Variants in PCDHGB4 observed in about 807,000 individuals in gnomAD.
PCDHGB4 encodes protocadherin gamma-B4.
A neutral mutation model predicts 60.5 loss-of-function variants in PCDHGB4; 38 were observed. That is an observed-to-expected ratio of 0.63 (90% CI 0.48 to 0.82). The LOEUF (loss-of-function observed/expected upper bound fraction) is 0.82, where lower values mean the gene tolerates loss of function less well. Ranked by LOEUF, PCDHGB4 falls within the 40% of genes least tolerant of loss-of-function variation. The pLI is 0.00. For synonymous variants in PCDHGB4, 456 were observed against 509.7 expected, an observed-to-expected ratio of 0.89 and a Z score of 1.42; for missense variants, 1,109 against 1,209.6, an observed-to-expected ratio of 0.92 and a Z score of 1.23.
intron 1 of PCDHGB4, chr5:141,397,891 A>G: frequency 3.2e-6 from 2 of 631,130 alleles, no homozygotes; most frequent in Non-Finnish European, 5.3e-6. Context: ...CTGTTGGCCA[A>G]AGTGCAGAGC....
intron 2 of PCDHGB4, among the ~76,000 whole-genome samples, chr5:141,502,382 T>C (rs1668612742): frequency 1.3e-5 from 2 of 152,088 alleles, no homozygotes; most frequent in Non-Finnish European, 2.9e-5. Context: ...CCAGGCCAGT[T>C]GTACTTTAAA....
At chr5:141,417,950 GAGCCGATCCGCT>G (rs1361985861) in intron 1 of PCDHGB4, 1 of 1,613,484 alleles carries the variant, frequency 6.2e-7, no homozygotes, top group African/African-American at 1.3e-5. Context: ...CACGCTGTGT[GAGCCGATCCGCT>G]ACTCGATTCC....
intron 1 of PCDHGB4, chr5:141,399,459 C>A (rs897098728): frequency 6.2e-7 from 1 of 1,614,012 alleles, no homozygotes; most frequent in African/African-American, 1.3e-5. Flanking sequence ...TCAACGATAA[C>A]GCTCCGGTTT....
chr5:141,393,932 C>T (rs758815375), intron 1 of PCDHGB4: 1 of 1,613,916 alleles, frequency 6.2e-7, no homozygotes, highest in East Asian at 2.2e-5. Context: ...GTGTGCATGA[C>T]CAAGACTCTG....
intron 1 of PCDHGB4, chr5:141,408,100 G>A (rs1474827605): frequency 9.7e-6 from 14 of 1,438,178 alleles, no homozygotes; most frequent in African/African-American, 1.4e-5. Context: ...CCAGCTCCGA[G>A]ACCCGGGACT....
intron 1 of PCDHGB4, chr5:141,392,498 AT>A (rs201401101): frequency 3.1e-4 from 68 of 217,634 alleles, no homozygotes; most frequent in African/African-American, 9.8e-4. Context: ...TAAGCAAATG[AT>A]TTTTTTTTCT....
chr5:141,476,656 T>C lies in PCDHGB4; in HGVS notation c.2398-18151T>C. 1 of 1,614,210 alleles carries C rather than the reference T, an allele frequency of 6.2e-7. No individual in the cohort carries two copies. Among genetic ancestry groups the C allele is most frequent in the Non-Finnish European group, 8.5e-7 (1 of 1,180,044 alleles). On this transcript the variant is annotated intron_variant, in intron 1 of 3. Coordinates refer to ENST00000519479, the MANE Select transcript of PCDHGB4 (RefSeq NM_003736.4). This position sits in a 1 kb window ranked among gnomAD's most constrained non-coding sequence, Gnocchi z 7.6. ...ATGAGCTGAGCCGAAATGAATACTT[T>C]GCGCTTCGCGTGCAGACGCGGGAGG...
chr5:141,491,648 T>C lies in PCDHGB4; in HGVS notation c.2398-3159T>C. ...GTTCAGCAGCCCACAGCTCTGGCGC[T>C]GGAGCCTGACGCCATCCGGTCCCGC... On this transcript the variant is annotated intron_variant, in intron 1 of 3. Transcript: ENST00000519479. The surrounding 1 kb of genome is among the most constrained non-coding windows in gnomAD (Gnocchi z 6.9). 2 of 1,613,834 alleles carry C rather than the reference T, an allele frequency of 1.2e-6. No individual in the cohort carries two copies. Among genetic ancestry groups the C allele is most frequent in the South Asian group, 1.1e-5 (1 of 91,082 alleles).
At chr5:141,453,087 T>G (rs2098755775) in intron 1 of PCDHGB4, among the ~76,000 whole-genome samples, 1 of 152,150 alleles carries the variant, frequency 6.6e-6, no homozygotes, top group Non-Finnish European at 1.5e-5. Context: ...TTGATTAGTA[T>G]ATTTTCTGTT....
intron 1 of PCDHGB4, among the ~76,000 whole-genome samples, chr5:141,467,109 A>G (rs1431550069): frequency 2.0e-5 from 3 of 150,594 alleles, no homozygotes; most frequent in African/African-American, 4.9e-5. Context: ...CTGGAGTACA[A>G]TGGTGCAATC....
At chr5:141,414,476 C>T (rs1242647918) in intron 1 of PCDHGB4, 1 of 1,613,802 alleles carries the variant, frequency 6.2e-7, no homozygotes, top group African/African-American at 1.3e-5. Flanking sequence ...GGGGGAAGTC[C>T]TCCTCTATCA....
intron 1 of PCDHGB4, chr5:141,415,515 G>C: frequency 6.2e-7 from 1 of 1,614,152 alleles, no homozygotes; most frequent in Non-Finnish European, 8.5e-7. Flanking sequence ...CCAATTATGC[G>C]GACACGCTCA....
At chr5:141,400,776 GT>G (rs1167512157) in intron 1 of PCDHGB4, 17 of 557,594 alleles carry the variant, frequency 3.0e-5, no homozygotes, top group East Asian at 1.8e-4. Flanking sequence ...CATTTGGTGC[GT>G]TTTTTTGTCC....
At chr5:141,409,587 C>G (rs13184186) in intron 1 of PCDHGB4, 1 of 1,613,902 alleles carries the variant, frequency 6.2e-7, no homozygotes, top group Non-Finnish European at 8.5e-7. Context: ...GTCCACGTGG[C>G]CGAGAACAAC....
At chr5:141,394,416 A>G (rs1220964310) in intron 1 of PCDHGB4, 1 of 1,614,202 alleles carries the variant, frequency 6.2e-7, no homozygotes. Context: ...GGTAACAGCC[A>G]GCGACAGCGG....
rs770596172 is a variant in PCDHGB4, at chr5:141,487,664, G to A, written c.2398-7143G>A. ...AATGCTTGAGGGTTATTCTGATCCA[G>A]GCATATGGCTAGGCCATGTCCTAGA... On this transcript the variant is annotated intron_variant, in intron 1 of 3. Transcript: ENST00000519479. The surrounding 1 kb of genome is among the most constrained non-coding windows in gnomAD (Gnocchi z 5.0). 1.9e-5 allele frequency: 31 copies of A among 1,613,048 alleles called. No individual in the cohort carries two copies. The South Asian group carries it at 3.4e-4, about 18-fold the overall frequency.
chr5:141,510,894 A>G, intron 3 of PCDHGB4, 53 bp from the exon 4 acceptor site: 2 of 1,612,850 alleles, frequency 1.2e-6, no homozygotes, highest in Non-Finnish European at 8.5e-7. Flanking sequence ...TAAGACAGTG[A>G]CTGTTGAGGA....
In PCDHGB4 at chr5:141,489,200, G is replaced by A. The variant is rs1483035320; in HGVS notation, c.2398-5607G>A. The A allele has an allele frequency of 2.8e-6, 4 of 1,412,792 alleles. No individual in the cohort carries two copies. The highest frequency in any genetic ancestry group is 3.9e-6 in the Non-Finnish European group (4 of 1,038,374). The allele number at this position is 1,412,792 out of a possible 1,614,324, so 87.5% of individuals were successfully genotyped here. A position where few individuals can be genotyped will look rare whatever the true frequency, so the allele number is the denominator to read the frequency against. On this transcript the variant is annotated intron_variant, in intron 1 of 3. Coordinates refer to ENST00000519479, the MANE Select transcript of PCDHGB4 (RefSeq NM_003736.4). This position sits in a 1 kb window ranked among gnomAD's most constrained non-coding sequence, Gnocchi z 4.5. ...AAGCCCTGGGTCTACCTTGGAGACAGGACAGCACAGACTTACTCTCCACAA... is the reference window on the plus strand; with the variant it reads ...AAGCCCTGGGTCTACCTTGGAGACAAGACAGCACAGACTTACTCTCCACAA...
chr5:141,507,613 T>G (rs1003099044), intron 3 of PCDHGB4, among the ~76,000 whole-genome samples: 1 of 152,248 alleles, frequency 6.6e-6, no homozygotes, highest in African/African-American at 2.4e-5. Context: ...ACAGGTATAT[T>G]TAGCTGTTGT....
Sources: gnomAD v4.1 joint callset for allele counts (sites outside exome capture counted in the v4.1 genomes callset) on GRCh38, gnomAD v4.1.1 for gene constraint, Gnocchi (gnomAD v3.1) non-coding constraint, MANE v1.5 for transcripts, NCBI Gene and HGNC (gene_info 2026-07-23, HGNC 2026-07-21) for gene names.